AKAP12: variants seen among roughly 807,000 people sequenced by gnomAD.
AKAP12 encodes A-kinase anchoring protein 12.
AKAP12 carries 32 observed loss-of-function variants against 79.9 expected under a neutral mutation model. That is an observed-to-expected ratio of 0.40 (90% confidence interval 0.30 to 0.54). The LOEUF (loss-of-function observed/expected upper bound fraction) is 0.54. Ranked by LOEUF, AKAP12 falls within the 20% of genes least tolerant of loss-of-function variation. AKAP12 has a pLI of 0.48. For missense variants in AKAP12, 2,074 were observed against 2,177.0 expected (o/e 0.95, Z 0.94); for synonymous variants, 808 against 857.0 (o/e 0.94, Z 1.00).
intron 2 of AKAP12, among the ~76,000 whole-genome samples, chr6:151,283,392 A>C (rs753949029): frequency 1.3e-5 from 2 of 152,228 alleles, no homozygotes; most frequent in African/African-American, 4.8e-5. Flanking sequence ...AGGCTTTTCC[A>C]ACGAGGATGC....
chr6:151,268,945 GTTTTT>G (rs558502756), intron 2 of AKAP12, among the ~76,000 whole-genome samples: 1,159 of 77,442 alleles, frequency 0.015, 24 homozygotes, highest in African/African-American at 0.041. Context: ...TGCTCGGCCT[GTTTTT>G]TTTTTTTTTT....
intron 2 of AKAP12, among the ~76,000 whole-genome samples, chr6:151,283,909 T>C (rs1676328012): frequency 1.3e-5 from 2 of 152,228 alleles, no homozygotes; most frequent in Non-Finnish European, 2.9e-5. Flanking sequence ...TTCCCTGGCT[T>C]CATTTCTCCC....
Position 151,351,269 on chromosome 6 carries a change from G to A in AKAP12, c.2878G>A (p.Ala960Thr). Residue 960 changes from alanine to threonine, a missense_variant, in exon 4 of 5, where the codon GCC (alanine) becomes ACC (threonine). Physicochemically the swap from Ala to Thr is moderately conservative, Grantham distance 58. Transcript: ENST00000402676. The surrounding 1 kb of genome is among the most constrained non-coding windows in gnomAD (Gnocchi z 4.4). ...TGAACCTCTGCCAGAGAACAGAGAG[G>A]CCCGGGGCGACACGGTCGTTAGTGA... ...VTEPLPENRE[A>T]RGDTVVSEAE... The A allele has an allele frequency of 6.2e-7, 1 of 1,614,214 alleles. No homozygotes were observed. Among genetic ancestry groups the A allele is most frequent in the Non-Finnish European group, 8.5e-7 (1 of 1,180,044 alleles).
At chr6:151,345,274 A>C (rs1344752197) in intron 3 of AKAP12, among the ~76,000 whole-genome samples, 2 of 151,306 alleles carry the variant, frequency 1.3e-5, no homozygotes, top group Non-Finnish European at 3.0e-5. Context: ...ACGGGGTTTC[A>C]CCGTGTTAGC....
rs1778268500 is a variant in AKAP12 at position 151,350,986 on chromosome 6, C to T, written c.2595C>T (p.Ala865=). The T allele has an allele frequency of 1.2e-6, 2 of 1,613,908 alleles. No individual in the cohort carries two copies. The highest frequency in any genetic ancestry group is 4.5e-5 in the East Asian group (2 of 44,858). Reference sequence around the variant, plus strand: ...GGGAGAAAATGGAGGCACAGCAAGCCCAAAAAAGCGCAGAGCAGCCCGAGC... The same window carrying T: ...GGGAGAAAATGGAGGCACAGCAAGCTCAAAAAAGCGCAGAGCAGCCCGAGC... ...VEREKMEAQQ[A]QKSAEQPEQK... is the part of the protein sequence containing the mutation. The change falls in exon 4 of 5, where the codon GCC becomes GCT. Residue 865 remains alanine, a synonymous_variant. Coordinates refer to ENST00000402676, the MANE Select transcript of AKAP12 (RefSeq NM_005100.4). This position sits in a 1 kb window ranked among gnomAD's most constrained non-coding sequence, Gnocchi z 4.8.
chr6:151,351,878 G>T lies in AKAP12; in HGVS notation c.3487G>T (p.Val1163Leu). The T allele has an allele frequency of 1.2e-6, 2 of 1,614,118 alleles. No homozygotes were observed. The highest frequency in any genetic ancestry group is 1.3e-5 in the African/African-American group (1 of 75,012). ...VMEQAIPPDS[V>L]ETPTDSETDG... ...GGAACAGGCTATCCCCCCTGACTCG[G>T]TGGAAACCCCTACAGACAGTGAGAC... Residue 1163 changes from valine (V) to leucine (L), a missense_variant, in exon 4 of 5, where the codon GTG becomes TTG. Val to Leu is a conservative substitution (Grantham distance 32). Transcript: ENST00000402676. The surrounding 1 kb of genome is among the most constrained non-coding windows in gnomAD (Gnocchi z 4.4).
At position 151,350,290 on chromosome 6, in the gene AKAP12, T is replaced by C. The variant is rs1439402252; in HGVS notation, c.1899T>C (p.Asp633=). Residue 633 remains aspartate (D), a synonymous_variant, in exon 4 of 5, where the codon GAT becomes GAC. Transcript: ENST00000402676. This position sits in a 1 kb window ranked among gnomAD's most constrained non-coding sequence, Gnocchi z 4.8. ...VRRPSESDKE[D]ELDKVKSATL... ...GGCCTTCGGAAAGTGATAAAGAAGA[T>C]GAGCTGGACAAGGTCAAGAGCGCTA... 1.9e-6 allele frequency: 3 copies of C among 1,613,060 alleles called. No individual in the cohort carries two copies. The African/African-American group carries it at 4.0e-5, about 22-fold the overall frequency.
intron 2 of AKAP12, among the ~76,000 whole-genome samples, chr6:151,268,522 CTG>C: frequency 6.6e-6 from 1 of 152,324 alleles, no homozygotes; most frequent in East Asian, 1.9e-4. Context: ...TAGCATGAAT[CTG>C]TTCTTTTTGC....
At chr6:151,283,708 CAG>C (rs1438325115) in intron 2 of AKAP12, among the ~76,000 whole-genome samples, 1 of 152,178 alleles carries the variant, frequency 6.6e-6, no homozygotes, top group African/African-American at 2.4e-5. Context: ...GAGGGAGAGA[CAG>C]AGACAGAATT....
intron 2 of AKAP12, among the ~76,000 whole-genome samples, chr6:151,273,427 T>C (rs1367693195): frequency 2.6e-5 from 4 of 152,204 alleles, no homozygotes; most frequent in Non-Finnish European, 5.9e-5. Flanking sequence ...GCCAGTATAT[T>C]CACATCCAGT....
intron 2 of AKAP12, among the ~76,000 whole-genome samples, chr6:151,263,583 TTTTTTA>T (rs1489690996): frequency 1.3e-5 from 2 of 152,010 alleles, no homozygotes; most frequent in Non-Finnish European, 2.9e-5. Flanking sequence ...TTTTCTTTTC[TTTTTTA>T]TTTTTATTTT....
At chr6:151,337,550 A>G (rs1040048519) in intron 3 of AKAP12, among the ~76,000 whole-genome samples, 3 of 150,046 alleles carry the variant, frequency 2.0e-5, no homozygotes, top group African/African-American at 7.4e-5. Context: ...GATAACTGTA[A>G]ACATACAGAA....
At chr6:151,312,515 G>A (rs992951573) in intron 3 of AKAP12, among the ~76,000 whole-genome samples, 2 of 151,602 alleles carry the variant, frequency 1.3e-5, no homozygotes, top group African/African-American at 4.9e-5. Context: ...AGGACGGCCG[G>A]GCACGGTGGC....
rs59211098 is a variant in AKAP12, at chr6:151,261,733, T to TTTTATTTATTTATTTA, written c.162+21035_162+21050dup. Among the ~76,000 whole-genome samples, 22 of 144,028 alleles carry TTTTATTTATTTATTTA rather than the reference T, an allele frequency of 1.5e-4. No homozygotes were observed. The East Asian group carries it at 1.7e-3, about 11-fold the overall frequency. The allele number at this position is 144,028 out of a possible 152,430, so 94.5% of individuals were successfully genotyped here. A position where few individuals can be genotyped will look rare whatever the true frequency, so the allele number is the denominator to read the frequency against. ...ACAAGAACAACAGTGGTTTTTATTATTTTATTTATTTATTTATTTATTTAT... is the reference window on the plus strand; with the variant it reads ...ACAAGAACAACAGTGGTTTTTATTATTTTATTTATTTATTTATTTATTTATTTATTTATTTATTTAT... On this transcript the variant is annotated intron_variant, in intron 2 of 4. Coordinates refer to ENST00000402676, the MANE Select transcript of AKAP12 (RefSeq NM_005100.4).
At chr6:151,343,782 C>CA (rs1368854759) in intron 3 of AKAP12, among the ~76,000 whole-genome samples, 11 of 150,000 alleles carry the variant, frequency 7.3e-5, no homozygotes, top group Non-Finnish European at 1.3e-4. Flanking sequence ...AAGACTGGTT[C>CA]AAAAAAAGAA....
chr6:151,335,920 C>G (rs1336850890), intron 3 of AKAP12, among the ~76,000 whole-genome samples: 1 of 152,164 alleles, frequency 6.6e-6, no homozygotes, highest in Non-Finnish European at 1.5e-5. Flanking sequence ...CACTTCCCTT[C>G]CACCCTCCCT....
chr6:151,353,949 G>C (rs1411720795), intron 4 of AKAP12, among the ~76,000 whole-genome samples, 197 bp downstream of exon 4: 1 of 152,016 alleles, frequency 6.6e-6, no homozygotes, highest in East Asian at 1.9e-4. Flanking sequence ...TAGTCTTATC[G>C]ATGTTATGAA....
At chr6:151,273,376 C>G (rs377216641) in intron 2 of AKAP12, among the ~76,000 whole-genome samples, 2 of 152,090 alleles carry the variant, frequency 1.3e-5, no homozygotes, top group South Asian at 2.1e-4. Flanking sequence ...GCTGAGTTTC[C>G]CTGTGGGGTA....
intron 2 of AKAP12, among the ~76,000 whole-genome samples, chr6:151,292,602 A>G (rs1228638176): frequency 6.6e-6 from 1 of 152,254 alleles, no homozygotes; most frequent in African/African-American, 2.4e-5. Flanking sequence ...GAGGAACTGC[A>G]GATACGGAAG....
Sources: allele counts gnomAD v4.1 joint callset (sites outside exome capture counted in the v4.1 genomes callset), GRCh38; gene constraint gnomAD v4.1.1; non-coding constraint Gnocchi (gnomAD v3.1); transcripts MANE v1.5; gene names NCBI Gene and HGNC (gene_info 2026-07-23, HGNC 2026-07-21).